WWOX: variants seen among roughly 807,000 people sequenced by gnomAD.
WWOX encodes the protein WW domain-containing oxidoreductase.
Under a neutral mutation model 46.2 loss-of-function variants are expected in WWOX, and 69 were observed. The ratio of observed to expected loss-of-function variants is 1.49; its 90% confidence interval spans 1.23 to 1.82. The LOEUF is 1.82. WWOX is among the 40% of genes most tolerant of loss of function. The pLI is 0.00. For missense variants in WWOX, 919 were observed against 542.6 expected (o/e 1.69, Z -6.89); for synonymous variants, 359 against 202.6 (o/e 1.77, Z -6.56).
At chr16:78,883,229 G>A (rs886829664) in intron 8 of WWOX, among the ~76,000 whole-genome samples, 1 of 152,136 alleles carries the variant, frequency 6.6e-6, no homozygotes, top group Non-Finnish European at 1.5e-5. Context: ...CCCCTCTTAA[G>A]CTTTGTGAAC....
At chr16:78,691,405 G>A in intron 8 of WWOX, 1 of 645,888 alleles carries the variant, frequency 1.5e-6, no homozygotes, top group Non-Finnish European at 2.8e-6. Context: ...GGGTGCTTTA[G>A]AAAACATCTG....
chr16:78,799,690 C>G (rs577238352), intron 8 of WWOX, among the ~76,000 whole-genome samples: 67 of 152,258 alleles, frequency 4.4e-4, no homozygotes, highest in African/African-American at 1.6e-3. Context: ...CTCTTTTATG[C>G]TGCCTGCTCT....
chr16:78,603,163 T>C (rs1201368005), intron 8 of WWOX, among the ~76,000 whole-genome samples: 2 of 152,224 alleles, frequency 1.3e-5, no homozygotes, highest in South Asian at 4.1e-4. Flanking sequence ...TGCTGTTTTA[T>C]GCACATCATC....
intron 8 of WWOX, chr16:79,004,693 G>A (rs2047158513): frequency 6.6e-6 from 1 of 152,226 alleles, no homozygotes; most frequent in Non-Finnish European, 1.5e-5. Context: ...CAGATTCTGG[G>A]CGTTTCACGG....
At chr16:79,047,868 A>G (rs1006238783) in intron 8 of WWOX, among the ~76,000 whole-genome samples, 1 of 151,776 alleles carries the variant, frequency 6.6e-6, no homozygotes, top group African/African-American at 2.4e-5. Flanking sequence ...AAGAAATCTG[A>G]CAACTCATTG....
intron 5 of WWOX, among the ~76,000 whole-genome samples, chr16:78,173,823 T>C (rs2035243411): frequency 6.6e-6 from 1 of 152,224 alleles, no homozygotes; most frequent in Non-Finnish European, 1.5e-5. Flanking sequence ...TAAATATTTA[T>C]TCTTACAGTT....
chr16:78,983,960 C>G (rs978858540), intron 8 of WWOX, among the ~76,000 whole-genome samples: 4 of 136,980 alleles, frequency 2.9e-5, no homozygotes, highest in Admixed American at 8.4e-5. Context: ...TGACTGCAAG[C>G]TCTGCATCCC....
At chr16:78,533,788 G>T (rs1174926175) in intron 8 of WWOX, among the ~76,000 whole-genome samples, 1 of 152,134 alleles carries the variant, frequency 6.6e-6, no homozygotes, top group African/African-American at 2.4e-5. Context: ...GGCCCCTCCC[G>T]AATGCGTCCT....
intron 5 of WWOX, among the ~76,000 whole-genome samples, chr16:78,283,140 C>T (rs1447731314): frequency 6.6e-6 from 1 of 152,100 alleles, no homozygotes; most frequent in Non-Finnish European, 1.5e-5. Flanking sequence ...ATTCTTACAG[C>T]TTCTGGGTTC....
chr16:78,716,455 G>A (rs2048563311), intron 8 of WWOX, among the ~76,000 whole-genome samples: 1 of 152,110 alleles, frequency 6.6e-6, no homozygotes, highest in Non-Finnish European at 1.5e-5. Flanking sequence ...GCCAAATGCT[G>A]CCTGCCCTTC....
chr16:79,103,368 A>G (rs1367990348), intron 8 of WWOX, among the ~76,000 whole-genome samples: 8 of 152,220 alleles, frequency 5.3e-5, no homozygotes, highest in Non-Finnish European at 1.0e-4. Flanking sequence ...AATCCTCAGT[A>G]AGGAAAAATG....
intron 4 of WWOX, among the ~76,000 whole-genome samples, chr16:78,137,468 C>G (rs538615586): frequency 1.3e-4 from 20 of 152,286 alleles, no homozygotes; most frequent in African/African-American, 4.8e-4. Context: ...AGTGTGGTGT[C>G]TGACCGCTTG....
At chr16:78,563,581 A>G (rs1458445710) in intron 8 of WWOX, among the ~76,000 whole-genome samples, 3 of 150,448 alleles carry the variant, frequency 2.0e-5, no homozygotes, top group Admixed American at 6.6e-5. Context: ...AGATTTTTAG[A>G]ACCAAATGCC....
intron 5 of WWOX, among the ~76,000 whole-genome samples, chr16:78,365,008 A>G (rs1025217506): frequency 1.3e-5 from 2 of 152,122 alleles, no homozygotes; most frequent in Non-Finnish European, 2.9e-5. Flanking sequence ...TCTGTGTACT[A>G]TGGGTTGAGC....
chr16:78,464,128 T>C (rs898746191), intron 8 of WWOX, among the ~76,000 whole-genome samples: 3 of 152,058 alleles, frequency 2.0e-5, no homozygotes, highest in Non-Finnish European at 2.9e-5. Flanking sequence ...CTGAGAGATG[T>C]GGCATGAGGA....
At chr16:78,351,493 T>A (rs1331952809) in intron 5 of WWOX, among the ~76,000 whole-genome samples, 1 of 151,822 alleles carries the variant, frequency 6.6e-6, no homozygotes, top group Non-Finnish European at 1.5e-5. Flanking sequence ...GGCAGAGGGG[T>A]GGTCTGCCCC....
chr16:79,087,285 A>G (rs909544731), intron 8 of WWOX, among the ~76,000 whole-genome samples: 1 of 152,194 alleles, frequency 6.6e-6, no homozygotes, highest in Non-Finnish European at 1.5e-5. Context: ...GACCTCCGGA[A>G]TGTTCTCAGA....
intron 5 of WWOX, among the ~76,000 whole-genome samples, chr16:78,357,118 G>C (rs2081311939): frequency 6.6e-6 from 1 of 152,156 alleles, no homozygotes; most frequent in Non-Finnish European, 1.5e-5. Flanking sequence ...TCCTTTCTCA[G>C]AGCCTTCGTG....
intron 8 of WWOX, among the ~76,000 whole-genome samples, chr16:78,771,415 A>T (rs181597144): frequency 6.6e-6 from 1 of 152,160 alleles, no homozygotes; most frequent in African/African-American, 2.4e-5. Flanking sequence ...AGTTTTGGAG[A>T]TAGAAGTGAT....
Sources: gnomAD v4.1 joint callset for allele counts (sites outside exome capture counted in the v4.1 genomes callset) on GRCh38, gnomAD v4.1.1 for gene constraint, MANE v1.5 for transcripts, NCBI Gene and HGNC (gene_info 2026-07-23, HGNC 2026-07-21) for gene names.